ZNF318: variants seen among roughly 807,000 people sequenced by gnomAD.
ZNF318 encodes endocrine regulator.
Under a neutral mutation model 124.2 loss-of-function variants are expected in ZNF318, and 51 were observed. That is an observed-to-expected ratio of 0.41 (90% CI 0.33 to 0.52). The LOEUF is 0.52. Ranked by LOEUF, ZNF318 falls within the 20% of genes least tolerant of loss-of-function variation. The pLI is 0.23. For synonymous variants in ZNF318, 1,090 were observed against 1,040.7 expected (o/e 1.05, Z -0.91); for missense variants, 2,815 against 2,811.2 (o/e 1.00, Z -0.03).
Position 43,342,220 on chromosome 6 carries a change from A to G in ZNF318, c.3277-9T>C, listed in dbSNP as rs1261969543. The G allele has an allele frequency of 1.2e-6, 2 of 1,606,418 alleles. No individual in the cohort carries two copies. Among genetic ancestry groups the G allele is most frequent in the Non-Finnish European group, 1.7e-6 (2 of 1,175,320 alleles). ...TTGTAGGGATCCAGTGTCTATTTGT[A>G]AGAGGCAGAGGTGCTCACACAACAG... On this transcript the variant is annotated splice_polypyrimidine_tract_variant and intron_variant, in intron 7 of 9. Transcript: ENST00000361428.
chr6:43,350,803 GA>G (rs1729143728), intron 5 of ZNF318, among the ~76,000 whole-genome samples: 1 of 152,082 alleles, frequency 6.6e-6, no homozygotes. Context: ...GACACAGCGA[GA>G]CCCTGTCTCA....
chr6:43,369,032 C>A lies in ZNF318; in HGVS notation c.334G>T (p.Gly112Trp), dbSNP rs1157519052. The A allele has an allele frequency of 7.0e-7, 1 of 1,418,608 alleles. No homozygotes were observed. Among genetic ancestry groups the A allele is most frequent in the African/African-American group, 1.5e-5 (1 of 67,556 alleles). The allele number at this position is 1,418,608 out of a possible 1,614,324, so 87.9% of individuals were successfully genotyped here. ...CGGGCATAGTCGGCGCGGGACTCCC[C>A]CCGGCTGCTGCCTCTGAAGCCGGCC... Reference protein sequence around the residue: ...GPAGFRGSSRGESRADYARDG... With the variant: ...GPAGFRGSSRWESRADYARDG... Residue 112 changes from glycine to tryptophan, a missense_variant, in exon 1 of 10, where the codon GGG becomes TGG. Transcript: ENST00000361428.
At chr6:43,348,078 G>A (rs1048058847) in intron 6 of ZNF318, among the ~76,000 whole-genome samples, 2 of 152,198 alleles carry the variant, frequency 1.3e-5, no homozygotes, top group African/African-American at 4.8e-5. Flanking sequence ...ATAGGAGTGG[G>A]TTAGGGAGTA....
At chr6:43,352,175 CATCATCAT>C (rs1562132254) in intron 5 of ZNF318, among the ~76,000 whole-genome samples, 194 bp downstream of exon 5, 3 of 56,814 alleles carry the variant, frequency 5.3e-5, no homozygotes, top group African/African-American at 2.1e-4. Context: ...TCATCATCAT[CATCATCAT>C]CACCACCACC....
rs139395289 is a variant in ZNF318 at position 43,360,608 on chromosome 6, T to C, written c.549-2843A>G. On this transcript the variant is annotated intron_variant, in intron 2 of 9. Transcript: ENST00000361428. Reference sequence around the variant, plus strand: ...GTTAAACAAGTTTTTAAAAAATGTATGTATGTCCATATAAAAACTTTTATA... The same window carrying C: ...GTTAAACAAGTTTTTAAAAAATGTACGTATGTCCATATAAAAACTTTTATA... 5.4e-3 allele frequency among the ~76,000 whole-genome samples: 827 copies of C among 152,352 alleles called. 8 individuals carry two copies. Among genetic ancestry groups the C allele is most frequent in the African/African-American group, 0.019 (804 of 41,584 alleles).
rs765223921 is a variant in ZNF318 at position 43,338,592 on chromosome 6, T to C, written c.5406A>G (p.Gly1802=). Residue 1802 remains glycine, a synonymous_variant, in exon 10 of 10, where the codon GGA becomes GGG. Transcript: ENST00000361428. ...AATTAGAATCATCTATGCTGTGGGG[T>C]CCAATGCTGGTACTTACTCCCTCAT... ...IVDEGVSTSI[G]PHSIDDSNLN... The C allele has an allele frequency of 5.1e-5, 83 of 1,613,994 alleles. 1 individual carries two copies. In the South Asian group the frequency reaches 8.8e-4, roughly 17 times the overall value.
At chr6:43,347,063 G>A (rs993986988) in intron 6 of ZNF318, among the ~76,000 whole-genome samples, 1 of 152,138 alleles carries the variant, frequency 6.6e-6, no homozygotes, top group East Asian at 1.9e-4. Context: ...AACAGTCTAG[G>A]GAATCAGAGA....
In ZNF318 at chr6:43,354,890, A is replaced by G. The variant is rs1410712502; in HGVS notation, c.2444T>C (p.Val815Ala). The change falls in exon 4 of 10, where the codon GTA (valine) becomes GCA (alanine). Residue 815 changes from valine to alanine, a missense_variant. This residue lies in a region of ZNF318 where 1,377 missense variants were observed against 1,353.5 expected (regional missense o/e 1.02). Transcript: ENST00000361428. ...YPTSQPSNHP[V>A]PEPHRIMPIT... The stretch of plus-strand genomic sequence containing the variant: ...TGGCATTATCCTGTGTGGTTCAGGT[A>G]CAGGGTGGTTTGACGGTTGAGAGGT... 1 of 1,613,678 alleles carries G rather than the reference A, an allele frequency of 6.2e-7. No individual in the cohort carries two copies.
At chr6:43,343,267 C>G (rs1332142480) in intron 6 of ZNF318, among the ~76,000 whole-genome samples, 1 of 151,996 alleles carries the variant, frequency 6.6e-6, no homozygotes, top group East Asian at 1.9e-4. Context: ...TGCAACTAAA[C>G]AGTTAAATTT....
At position 43,336,237 on chromosome 6, in the gene ZNF318, T is replaced by C. The variant is rs1461886216; in HGVS notation, c.*921A>G. ...GAGGAGGTAGAGGAAAGGATACATA[T>C]GGGTTTGTGGAACAGGGAATGAGTT... On this transcript the variant is annotated 3_prime_UTR_variant, in exon 10 of 10. Transcript: ENST00000361428. 4 of 152,600 alleles carry C rather than the reference T, an allele frequency of 2.6e-5. No individual in the cohort carries two copies. The highest frequency in any genetic ancestry group is 2.1e-4 in the South Asian group (1 of 4,834). The allele number at this position is 152,600 out of a possible 1,614,324, so 9.5% of individuals were successfully genotyped here.
At position 43,339,946 on chromosome 6, in the gene ZNF318, T is replaced by C; in HGVS notation, c.4052A>G (p.Asn1351Ser). The part of the protein sequence containing the change: ...TTSTQTKIRP[N>S]LPIPSTVLRK... ...GAGTACTGTGGATGGAATAGGCAGG[T>C]TGGGTCGGATCTTAGTCTGTGTGGA... The change falls in exon 10 of 10, where the codon AAC becomes AGC. Residue 1351 changes from asparagine (N) to serine (S), a missense_variant. Physicochemically the swap from Asn to Ser is conservative, Grantham distance 46. Around this residue, in one of 4 missense-constraint regions of ZNF318, gnomAD observed 500 missense variants for 605.2 expected, o/e 0.83. Transcript: ENST00000361428. This position sits in a 1 kb window ranked among gnomAD's most constrained non-coding sequence, Gnocchi z 4.2. 6.2e-7 allele frequency: 1 copy of C among 1,613,918 alleles called. No homozygotes were observed. The highest frequency in any genetic ancestry group is 8.5e-7 in the Non-Finnish European group (1 of 1,179,960).
rs749311787 is a variant in ZNF318, at chr6:43,355,139, A to C, written c.2195T>G (p.Phe732Cys). 1.9e-6 allele frequency: 3 copies of C among 1,614,230 alleles called. No homozygotes were observed. Among genetic ancestry groups the C allele is most frequent in the Non-Finnish European group, 8.5e-7 (1 of 1,180,034 alleles). Reference protein sequence around the residue: ...ISGPEVVGSGFQSSVAVRCML... With the variant: ...ISGPEVVGSGCQSSVAVRCML... Reference sequence around the variant, plus strand: ...GCACCTGACTGCAACAGATGACTGAAACCCACTACCAACCACCTCTGGTCC... The same window carrying C: ...GCACCTGACTGCAACAGATGACTGACACCCACTACCAACCACCTCTGGTCC... Residue 732 changes from phenylalanine (F) to cysteine (C), a missense_variant, in exon 4 of 10, where the codon TTT becomes TGT. By Grantham distance (205) the Phe-to-Cys change is radical (BLOSUM62 -2). Around this residue, in one of 4 missense-constraint regions of ZNF318, gnomAD observed 1,377 missense variants for 1,353.5 expected, o/e 1.02. Transcript: ENST00000361428.
Position 43,340,121 on chromosome 6 carries a change from G to C in ZNF318, c.3877C>G (p.Pro1293Ala). 1 of 1,614,030 alleles carries C rather than the reference G, an allele frequency of 6.2e-7. No individual in the cohort carries two copies. The highest frequency in any genetic ancestry group is 1.1e-5 in the South Asian group (1 of 91,060). The change falls in exon 10 of 10, where the codon CCA (proline) becomes GCA (alanine). Residue 1293 changes from proline to alanine, a missense_variant. Coordinates refer to ENST00000361428, the MANE Select transcript of ZNF318 (RefSeq NM_014345.3). Reference sequence around the variant, plus strand: ...AGAATCTCTTCTTTAGAGATACTTGGGGTCACCAATGAACTTTTCTCCTCT... The same window carrying C: ...AGAATCTCTTCTTTAGAGATACTTGCGGTCACCAATGAACTTTTCTCCTCT... ...KEEEKSSLVTPSISKEEILES... is the reference protein window; with the variant it reads ...KEEEKSSLVTASISKEEILES...
intron 1 of ZNF318, among the ~76,000 whole-genome samples, chr6:43,366,703 T>C (rs1241620810): frequency 6.6e-6 from 1 of 152,108 alleles, no homozygotes; most frequent in Non-Finnish European, 1.5e-5. Flanking sequence ...CTACTCAGGA[T>C]GCTGAGGTGA....
Position 43,365,272 on chromosome 6 carries a change from C to T in ZNF318, c.548+20G>A, listed in dbSNP as rs369759436. 1.1e-5 allele frequency: 18 copies of T among 1,609,780 alleles called. No individual in the cohort carries two copies. The highest frequency in any genetic ancestry group is 1.5e-5 in the Non-Finnish European group (18 of 1,177,166). On this transcript the variant is annotated intron_variant, in intron 2 of 9. Coordinates refer to ENST00000361428, the MANE Select transcript of ZNF318 (RefSeq NM_014345.3). ...CCTTCAAGTACTAGTATAGTAGGCC[C>T]TGCCTTAGGTGATGCCTACCTGTCC...
chr6:43,352,082 T>A (rs1581644780), intron 5 of ZNF318, among the ~76,000 whole-genome samples: 1 of 119,902 alleles, frequency 8.3e-6, no homozygotes, highest in South Asian at 2.6e-4. Context: ...GGACAGAGGT[T>A]GTAGTGAGCC....
intron 1 of ZNF318, among the ~76,000 whole-genome samples, chr6:43,367,920 G>A (rs1779782966): frequency 6.6e-6 from 1 of 152,202 alleles, no homozygotes; most frequent in Non-Finnish European, 1.5e-5. Context: ...AGCTACTTGG[G>A]AGGCTGAGGC....
At position 43,355,463 on chromosome 6, in the gene ZNF318, G is replaced by A. The variant is rs755811808; in HGVS notation, c.1871C>T (p.Pro624Leu). 1 of 1,614,182 alleles carries A rather than the reference G, an allele frequency of 6.2e-7. No homozygotes were observed. The highest frequency in any genetic ancestry group is 1.1e-5 in the South Asian group (1 of 91,084). ...RTQERLHGKKPSLRSSADRRS... is the reference protein window; with the variant it reads ...RTQERLHGKKLSLRSSADRRS... ...GCGGTCAGCTGAGGAGCGTAATGATGGCTTCTTGCCATGAAGTCGTTCCTG... is the reference window on the plus strand; with the variant it reads ...GCGGTCAGCTGAGGAGCGTAATGATAGCTTCTTGCCATGAAGTCGTTCCTG... Residue 624 changes from proline to leucine, a missense_variant, in exon 4 of 10, where the codon CCA becomes CTA. By Grantham distance (98) the Pro-to-Leu change is moderately conservative. Around this residue, in one of 4 missense-constraint regions of ZNF318, gnomAD observed 1,377 missense variants for 1,353.5 expected, o/e 1.02. Coordinates refer to ENST00000361428, the MANE Select transcript of ZNF318 (RefSeq NM_014345.3).
chr6:43,345,123 T>A (rs1779422578), intron 6 of ZNF318, among the ~76,000 whole-genome samples: 1 of 151,730 alleles, frequency 6.6e-6, no homozygotes, highest in South Asian at 2.1e-4. Flanking sequence ...GGTGAGCACC[T>A]GTAGTCCCAG....
Sources: gnomAD v4.1 joint callset for allele counts (sites outside exome capture counted in the v4.1 genomes callset) on GRCh38, gnomAD v4.1.1 for gene constraint, gnomAD v4.1.1 regional missense constraint, Gnocchi (gnomAD v3.1) non-coding constraint, MANE v1.5 for transcripts, NCBI Gene and HGNC (gene_info 2026-07-23, HGNC 2026-07-21) for gene names.